CDH4: variants seen among roughly 807,000 people sequenced by gnomAD.
CDH4 encodes cadherin-4.
CDH4 carries 33 observed loss-of-function variants against 86.0 expected under a neutral mutation model. That is an observed-to-expected ratio of 0.38 (90% CI 0.29 to 0.51). CDH4 has a LOEUF of 0.51. CDH4 is among the 20% of genes least tolerant of loss of function. The pLI is 0.86. For synonymous variants in CDH4, 555 were observed against 549.4 expected (o/e 1.01, Z -0.14); for missense variants, 1,114 against 1,307.4 (o/e 0.85, Z 2.28).
At chr20:61,674,190 G>A (rs2087421461) in intron 2 of CDH4, among the ~76,000 whole-genome samples, 1 of 152,150 alleles carries the variant, frequency 6.6e-6, no homozygotes, top group Non-Finnish European at 1.5e-5. Flanking sequence ...GCAAGGAAGA[G>A]CCAAGACTAG....
intron 2 of CDH4, among the ~76,000 whole-genome samples, chr20:61,489,492 G>A (rs1396669520): frequency 1.3e-5 from 2 of 152,186 alleles, no homozygotes; most frequent in Non-Finnish European, 2.9e-5. Context: ...AATGACTTTT[G>A]CACCCACCTA....
intron 3 of CDH4, among the ~76,000 whole-genome samples, chr20:61,752,525 G>A (rs913408432): frequency 6.6e-6 from 1 of 152,110 alleles, no homozygotes; most frequent in East Asian, 1.9e-4. Context: ...CGTTTTTGGT[G>A]TATGCCCATA....
chr20:61,852,985 T>A (rs1045284598), intron 6 of CDH4, 87 bp downstream of exon 6: 19 of 1,401,914 alleles, frequency 1.4e-5, no homozygotes, highest in Non-Finnish European at 1.8e-5. Flanking sequence ...GGCTGCTTAG[T>A]CCCCGCTACC....
At chr20:61,861,567 G>C (rs1445994210) in intron 6 of CDH4, among the ~76,000 whole-genome samples, 1 of 69,560 alleles carries the variant, frequency 1.4e-5, no homozygotes, top group Non-Finnish European at 4.2e-5. Flanking sequence ...TTGGCTGAAA[G>C]TCACAGAAAA....
chr20:61,265,520 T>C (rs931890367), intron 2 of CDH4, among the ~76,000 whole-genome samples: 6 of 148,392 alleles, frequency 4.0e-5, no homozygotes, highest in South Asian at 2.2e-4. Context: ...ATCTCAGTGG[T>C]TCCTTCATTC....
In CDH4 at chr20:61,743,786, C is replaced by T. The variant is rs773043144; in HGVS notation, c.393C>T (p.His131=). 1.9e-5 allele frequency: 30 copies of T among 1,596,052 alleles called. 2 individuals carry two copies. The South Asian group carries it at 3.4e-4, about 18-fold the overall frequency. The change falls in exon 3 of 16, where the codon CAC becomes CAT. Residue 131 remains histidine (H), a synonymous_variant. Coordinates refer to ENST00000614565, the MANE Select transcript of CDH4 (RefSeq NM_001794.5). ...VAQTSSPHSG[H]KPQKGKKVVA... ...AGACCTCGTCCCCGCACTCTGGACACAAGGTAAGGTGTGACCGCCCGGGTC... is the reference window on the plus strand; with the variant it reads ...AGACCTCGTCCCCGCACTCTGGACATAAGGTAAGGTGTGACCGCCCGGGTC...
chr20:61,468,077 TCA>T (rs2085483202), intron 2 of CDH4, among the ~76,000 whole-genome samples: 1 of 152,194 alleles, frequency 6.6e-6, no homozygotes, highest in Non-Finnish European at 1.5e-5. Flanking sequence ...TGAAGGAGGC[TCA>T]CTAGAGCCTC....
At chr20:61,423,552 G>C (rs895289145) in intron 2 of CDH4, among the ~76,000 whole-genome samples, 1 of 152,100 alleles carries the variant, frequency 6.6e-6, no homozygotes, top group African/African-American at 2.4e-5. Flanking sequence ...AAACGCACTC[G>C]GATGAACTTA....
At position 61,600,016 on chromosome 20, in the gene CDH4, T is replaced by G. The variant is rs977139663; in HGVS notation, c.170-143547T>G. ...TACCCCGTGCTAATGATGGGGAAAG[T>G]GTGAAGGGTTTATTATAATTTAAGA... On this transcript the variant is annotated intron_variant, in intron 2 of 15. Coordinates refer to ENST00000614565, the MANE Select transcript of CDH4 (RefSeq NM_001794.5). 10 of 901,310 alleles carry G rather than the reference T, an allele frequency of 1.1e-5. No individual in the cohort carries two copies. The African/African-American group carries it at 1.4e-4, about 13-fold the overall frequency. 55.8% of individuals were successfully genotyped at this position (901,310 alleles called of 1,614,324 possible). A position where few individuals can be genotyped will look rare whatever the true frequency, so the allele number is the denominator to read the frequency against.
chr20:61,749,799 G>A (rs907311184), intron 3 of CDH4, among the ~76,000 whole-genome samples: 5 of 152,240 alleles, frequency 3.3e-5, no homozygotes, highest in Non-Finnish European at 7.3e-5. Flanking sequence ...GGTGGCTCGT[G>A]CCTGTAATCC....
At chr20:61,652,944 T>A (rs6089253) in intron 2 of CDH4, among the ~76,000 whole-genome samples, 51,685 of 112,324 alleles carry the variant, frequency 0.46, 11,929 homozygotes, top group East Asian at 0.57. Flanking sequence ...ATTTATTTTT[T>A]TTTTTTTTTT....
At chr20:61,825,991 C>G (rs541784305) in intron 4 of CDH4, among the ~76,000 whole-genome samples, 137 of 152,350 alleles carry the variant, frequency 9.0e-4, no homozygotes, top group African/African-American at 3.1e-3. Flanking sequence ...GCCTCTCCCA[C>G]TGCCACAGCG....
intron 2 of CDH4, among the ~76,000 whole-genome samples, chr20:61,452,285 G>T (rs1249402779): frequency 2.0e-5 from 3 of 152,156 alleles, no homozygotes; most frequent in Admixed American, 6.5e-5. Context: ...GATGATGCCT[G>T]ATGCCTCTTG....
intron 4 of CDH4, among the ~76,000 whole-genome samples, chr20:61,827,440 A>G (rs1981377045): frequency 6.6e-6 from 1 of 152,250 alleles, no homozygotes; most frequent in African/African-American, 2.4e-5. Flanking sequence ...AATAAAGCAA[A>G]TGAATAAGTA....
At chr20:61,632,753 C>T (rs1233819880) in intron 2 of CDH4, among the ~76,000 whole-genome samples, 1 of 151,562 alleles carries the variant, frequency 6.6e-6, no homozygotes, top group Non-Finnish European at 1.5e-5. Flanking sequence ...ACCCTTCACC[C>T]ATCCATCCCT....
intron 2 of CDH4, among the ~76,000 whole-genome samples, chr20:61,666,745 G>T (rs2087329414): frequency 6.6e-6 from 1 of 152,214 alleles, no homozygotes; most frequent in African/African-American, 2.4e-5. Context: ...TGGCTGACCA[G>T]ATCTTACCCT....
chr20:61,805,669 G>A (rs893648349), intron 4 of CDH4, among the ~76,000 whole-genome samples: 2 of 152,190 alleles, frequency 1.3e-5, no homozygotes, highest in Non-Finnish European at 2.9e-5. Flanking sequence ...CATGGCAGAG[G>A]TATGTTTAAA....
intron 2 of CDH4, among the ~76,000 whole-genome samples, chr20:61,545,960 TCGTG>T (rs1568886475): frequency 2.3e-5 from 1 of 43,828 alleles, no homozygotes; most frequent in Non-Finnish European, 3.8e-5. Context: ...CGGTGTGTGT[TCGTG>T]TGTGTGTGTG....
chr20:61,480,512 G>T lies in CDH4; in HGVS notation c.169+225575G>T, dbSNP rs1310614760. Among the ~76,000 whole-genome samples the T allele has an allele frequency of 6.6e-6, 1 of 152,220 alleles. No homozygotes were observed. The highest frequency in any genetic ancestry group is 1.5e-5 in the Non-Finnish European group (1 of 68,040). On this transcript the variant is annotated intron_variant, in intron 2 of 15. Coordinates refer to ENST00000614565, the MANE Select transcript of CDH4 (RefSeq NM_001794.5). This position sits in a 1 kb window ranked among gnomAD's most constrained non-coding sequence, Gnocchi z 5.2. ...TCCCTGAGGAACCCAGGCAGAACTG[G>T]ACCCTGCAGGAGCCAGGCCCCTCCC...
Sources: gnomAD v4.1 joint callset for allele counts (sites outside exome capture counted in the v4.1 genomes callset) on GRCh38, gnomAD v4.1.1 for gene constraint, Gnocchi (gnomAD v3.1) non-coding constraint, MANE v1.5 for transcripts, NCBI Gene and HGNC (gene_info 2026-07-23, HGNC 2026-07-21) for gene names.